Variants in FGFR2 observed in about 807,000 individuals in gnomAD.
The protein encoded by FGFR2 is fibroblast growth factor receptor 2, also known as BEK fibroblast growth factor receptor.
FGFR2 carries 19 observed loss-of-function variants against 95.9 expected under a neutral mutation model. The observed-to-expected ratio is 0.20, with a 90% CI of 0.14 to 0.29. The LOEUF (loss-of-function observed/expected upper bound fraction) is 0.29. Among genes scored for constraint, FGFR2 ranks in the 10% least tolerant of loss-of-function variants. The pLI is 1.00. For synonymous variants in FGFR2, 392 were observed against 393.3 expected (o/e 1.00, Z 0.04); for missense variants, 707 against 1,056.9 (o/e 0.67, Z 4.59).
intron 17 of FGFR2, 71 bp downstream of exon 17, chr10:121,483,627 G>T: frequency 1.9e-6 from 2 of 1,046,306 alleles, no homozygotes; most frequent in Non-Finnish European, 3.0e-6. Flanking sequence ...ACAGGGGAGT[G>T]TGTGTGTAAA....
At chr10:121,504,620 T>G (rs889559416) in intron 9 of FGFR2, among the ~76,000 whole-genome samples, 5 of 152,104 alleles carry the variant, frequency 3.3e-5, no homozygotes, top group Non-Finnish European at 5.9e-5. Context: ...TGTCTTCGGT[T>G]TCAGAAACCA....
At chr10:121,493,290 C>T (rs554338805) in intron 13 of FGFR2, among the ~76,000 whole-genome samples, 9 of 152,268 alleles carry the variant, frequency 5.9e-5, no homozygotes, top group African/African-American at 1.7e-4. Context: ...TGGGTACTTC[C>T]GTTCTTCCAC....
intron 6 of FGFR2, among the ~76,000 whole-genome samples, chr10:121,527,304 C>A (rs1452148375): frequency 1.3e-5 from 2 of 152,156 alleles, no homozygotes; most frequent in African/African-American, 2.4e-5. Context: ...AGGAGTAGGG[C>A]TGTGTGTTAT....
intron 6 of FGFR2, among the ~76,000 whole-genome samples, chr10:121,535,398 AGG>A (rs1415761684): frequency 2.6e-5 from 4 of 152,214 alleles, no homozygotes; most frequent in Non-Finnish European, 5.9e-5. Context: ...CCAATTCACT[AGG>A]GGCCCCAGGT....
intron 6 of FGFR2, among the ~76,000 whole-genome samples, chr10:121,528,528 C>G (rs1217573700): frequency 1.3e-5 from 2 of 152,186 alleles, no homozygotes; most frequent in Non-Finnish European, 2.9e-5. Flanking sequence ...TCTAGAAAAT[C>G]TATCATGCTC....
At chr10:121,532,213 C>A (rs908118939) in intron 6 of FGFR2, among the ~76,000 whole-genome samples, 2 of 152,200 alleles carry the variant, frequency 1.3e-5, no homozygotes, top group African/African-American at 4.8e-5. Context: ...TTCAGAACCC[C>A]ACAGGGCTCT....
At chr10:121,516,136 C>T (rs1235074986) in intron 8 of FGFR2, among the ~76,000 whole-genome samples, 3 of 152,008 alleles carry the variant, frequency 2.0e-5, no homozygotes, top group African/African-American at 7.3e-5. Flanking sequence ...CTTCTTAGTC[C>T]TCGATGATCC....
At chr10:121,540,508 T>C (rs920252617) in intron 5 of FGFR2, among the ~76,000 whole-genome samples, 2 of 152,158 alleles carry the variant, frequency 1.3e-5, no homozygotes, top group African/African-American at 4.8e-5. Context: ...AAATCCTGGA[T>C]CCCTGGGTGC....
At chr10:121,510,706 T>C (rs987258182) in intron 9 of FGFR2, among the ~76,000 whole-genome samples, 4 of 152,142 alleles carry the variant, frequency 2.6e-5, no homozygotes, top group African/African-American at 7.2e-5. Context: ...CTTGGTCCTA[T>C]TCCTAACGTC....
At chr10:121,554,100 A>G (rs964714172) in intron 4 of FGFR2, among the ~76,000 whole-genome samples, 7 of 152,222 alleles carry the variant, frequency 4.6e-5, no homozygotes, top group Non-Finnish European at 4.4e-5. Context: ...CTGCTTCTGC[A>G]AAACACAGAC....
intron 13 of FGFR2, among the ~76,000 whole-genome samples, chr10:121,489,393 C>T (rs901539439): frequency 1.3e-5 from 2 of 151,982 alleles, no homozygotes; most frequent in African/African-American, 4.8e-5. Context: ...AGTTTTATCC[C>T]GTCCCCTTCC....
Position 121,508,809 on chromosome 10 carries a change from G to C in FGFR2, c.1288-4868C>G, listed in dbSNP as rs182677613. ...CAAAGTCTAAGAAACTATAGAATTT[G>C]ATTGCTCTGTCTACTGAGGTATATC... On this transcript the variant is annotated intron_variant, in intron 9 of 17. Transcript: ENST00000358487. Among the ~76,000 whole-genome samples the C allele has an allele frequency of 2.5e-3, 388 of 152,350 alleles. 1 individual carries two copies. The highest frequency in any genetic ancestry group is 4.1e-3 in the Non-Finnish European group (280 of 68,040).
At chr10:121,491,060 G>A (rs77870121) in intron 13 of FGFR2, among the ~76,000 whole-genome samples, 3,180 of 152,258 alleles carry the variant, frequency 0.021, 53 homozygotes, top group Middle Eastern at 0.037. Context: ...CTGCCGACAC[G>A]CGCTCTGTGT....
At chr10:121,553,303 C>A (rs998193705) in intron 4 of FGFR2, among the ~76,000 whole-genome samples, 1 of 152,154 alleles carries the variant, frequency 6.6e-6, no homozygotes, top group Non-Finnish European at 1.5e-5. Flanking sequence ...TCCTTTGAAT[C>A]CAGTTGCATT....
At chr10:121,573,398 G>A (rs1222111397) in intron 2 of FGFR2, among the ~76,000 whole-genome samples, 1 of 152,236 alleles carries the variant, frequency 6.6e-6, no homozygotes, top group African/African-American at 2.4e-5. Flanking sequence ...CCAAGGATGC[G>A]GTGGGGTCGT....
chr10:121,553,919 C>T (rs770081976), intron 4 of FGFR2, among the ~76,000 whole-genome samples: 19 of 152,326 alleles, frequency 1.2e-4, no homozygotes, highest in East Asian at 3.9e-4. Flanking sequence ...CCAGACCACG[C>T]GCACCTATGC....
At chr10:121,544,436 T>G (rs1168535081) in intron 5 of FGFR2, among the ~76,000 whole-genome samples, 1 of 126,098 alleles carries the variant, frequency 7.9e-6, no homozygotes, top group Non-Finnish European at 1.6e-5. Context: ...AGAGTGAAAC[T>G]CCGTCTTAAA....
rs746629822 is a variant in FGFR2 at position 121,565,695 on chromosome 10, G to A, written c.119C>T (p.Thr40Ile). ...TTCTGGTTGAGAGATTTGGTATTTG[G>A]TTGGTGGCTCTGCAGAAAGGTGGGA... Reference protein sequence around the residue: ...DTTLEPEEPPTKYQISQPEVY... With the variant: ...DTTLEPEEPPIKYQISQPEVY... The change falls in exon 3 of 18, where the codon ACC becomes ATC. Residue 40 changes from threonine to isoleucine, a missense_variant. Coordinates refer to ENST00000358487, the MANE Select transcript of FGFR2 (RefSeq NM_000141.5). 6.2e-7 allele frequency: 1 copy of A among 1,614,196 alleles called. No homozygotes were observed. Among genetic ancestry groups the A allele is most frequent in the East Asian group, 2.2e-5 (1 of 44,878 alleles).
chr10:121,528,466 C>A (rs1388507568), intron 6 of FGFR2, among the ~76,000 whole-genome samples: 2 of 152,174 alleles, frequency 1.3e-5, no homozygotes, highest in African/African-American at 4.8e-5. Context: ...TGTAAAAATG[C>A]TGGCAGGTTT....
Sources: gnomAD v4.1 joint callset for allele counts (sites outside exome capture counted in the v4.1 genomes callset) on GRCh38, gnomAD v4.1.1 for gene constraint, MANE v1.5 for transcripts, NCBI Gene and HGNC (gene_info 2026-07-23, HGNC 2026-07-21) for gene names.